Variants in SLC39A8 observed in about 807,000 individuals in gnomAD.
SLC39A8 encodes the protein solute carrier family 39 member 8.
A neutral mutation model predicts 40.4 loss-of-function variants in SLC39A8; 15 were observed. That is an observed-to-expected ratio of 0.37 (90% CI 0.25 to 0.57). The LOEUF is 0.57. Ranked by LOEUF, SLC39A8 falls within the 20% of genes least tolerant of loss-of-function variation. SLC39A8 has a pLI of 0.75. For synonymous variants in SLC39A8, 223 were observed against 221.6 expected, an observed-to-expected ratio of 1.01 and a Z score of -0.06; for missense variants, 472 against 558.8, an observed-to-expected ratio of 0.84 and a Z score of 1.57.
chr4:102,326,215 T>A (rs997904135), intron 2 of SLC39A8, among the ~76,000 whole-genome samples: 1 of 152,148 alleles, frequency 6.6e-6, no homozygotes, highest in Non-Finnish European at 1.5e-5. Context: ...GAGGATAAAG[T>A]GTGGAGGGCA....
At chr4:102,304,514 G>T in intron 5 of SLC39A8, 33 bp from the exon 6 acceptor site, 1 of 1,551,534 alleles carries the variant, frequency 6.4e-7, no homozygotes, top group Non-Finnish European at 8.8e-7. Flanking sequence ...GAGATTATAA[G>T]AAGAAAAAAG....
At chr4:102,285,649 ATG>A (rs1560537834) in intron 6 of SLC39A8, among the ~76,000 whole-genome samples, 1 of 112,666 alleles carries the variant, frequency 8.9e-6, no homozygotes, top group African/African-American at 3.1e-5. Flanking sequence ...GTGTGTGTGC[ATG>A]TGTGTATGTG....
downstream of SLC39A8, among the ~76,000 whole-genome samples, chr4:102,259,987 T>C (rs984600070): frequency 1.3e-5 from 2 of 152,194 alleles, no homozygotes; most frequent in African/African-American, 4.8e-5. Flanking sequence ...ATAGGATTTC[T>C]TCAAGGTAAA....
chr4:102,344,488 A>T lies in SLC39A8; in HGVS notation c.175T>A (p.Ser59Thr). 1 of 1,552,778 alleles carries T rather than the reference A, an allele frequency of 6.4e-7. No homozygotes were observed. ...CCAGGCTCCGGGACGCCCACGCGGG[A>T]GGCGGCTCCCATCTGCTCCAGCAAG... is the stretch of plus-strand genomic sequence containing the variant. Reference protein sequence around the residue: ...QHLLEQMGAASRVGVPEPGQL... With the variant: ...QHLLEQMGAATRVGVPEPGQL... Residue 59 changes from serine to threonine, a missense_variant, in exon 2 of 9, where the codon TCC becomes ACC. Transcript: ENST00000356736.
intron 2 of SLC39A8, among the ~76,000 whole-genome samples, chr4:102,316,166 A>C (rs1448078271): frequency 6.6e-6 from 1 of 152,098 alleles, no homozygotes; most frequent in Non-Finnish European, 1.5e-5. Context: ...ACAATTTTTT[A>C]TTGTCAGTAC....
At chr4:102,320,775 T>A (rs1383234642) in intron 2 of SLC39A8, among the ~76,000 whole-genome samples, 1 of 142,410 alleles carries the variant, frequency 7.0e-6, no homozygotes, top group Non-Finnish European at 1.5e-5. Context: ...TATGAGAATA[T>A]ATATATGAGA....
chr4:102,304,484 A>G lies in SLC39A8; in HGVS notation c.676-3T>C, dbSNP rs1277686549. 6.2e-7 allele frequency: 1 copy of G among 1,606,532 alleles called. No homozygotes were observed. The highest frequency in any genetic ancestry group is 8.5e-7 in the Non-Finnish European group (1 of 1,175,992). On this transcript the variant is annotated splice_polypyrimidine_tract_variant and splice_region_variant and intron_variant, in intron 5 of 8. Coordinates refer to ENST00000356736, the MANE Select transcript of SLC39A8 (RefSeq NM_001135146.2). Reference sequence around the variant, plus strand: ...TTTCCAAAGTGGGTATGACCATTCTATATGGGAACAAAAACCAAAGAGATT... The same window carrying G: ...TTTCCAAAGTGGGTATGACCATTCTGTATGGGAACAAAAACCAAAGAGATT...
chr4:102,278,306 C>T (rs747088372), intron 6 of SLC39A8, among the ~76,000 whole-genome samples: 4 of 152,126 alleles, frequency 2.6e-5, no homozygotes, highest in Non-Finnish European at 5.9e-5. Flanking sequence ...AAACAAACAG[C>T]CCCATCAAAA....
intron 3 of SLC39A8, among the ~76,000 whole-genome samples, chr4:102,315,268 T>G (rs1459470343): frequency 2.0e-5 from 3 of 152,140 alleles, no homozygotes; most frequent in Non-Finnish European, 1.5e-5. Flanking sequence ...GCTAGTTCTC[T>G]TATCTCTTCA....
intron 6 of SLC39A8, among the ~76,000 whole-genome samples, chr4:102,285,134 G>A (rs879563380): frequency 9.2e-5 from 14 of 152,068 alleles, no homozygotes; most frequent in Non-Finnish European, 1.0e-4. Context: ...TTAATGTTCT[G>A]ATACCTGATA....
chr4:102,336,503 G>A (rs913271423), intron 2 of SLC39A8, among the ~76,000 whole-genome samples: 1 of 151,304 alleles, frequency 6.6e-6, no homozygotes, highest in Admixed American at 6.6e-5. Flanking sequence ...AGACTTAGAG[G>A]CATTATCAAT....
At chr4:102,294,387 G>A (rs2149026853) in intron 6 of SLC39A8, among the ~76,000 whole-genome samples, 1 of 151,970 alleles carries the variant, frequency 6.6e-6, no homozygotes, top group South Asian at 2.1e-4. Flanking sequence ...CTTAATATCT[G>A]ATCAAATTCC....
At chr4:102,309,001 T>C (rs1181645721) in intron 3 of SLC39A8, among the ~76,000 whole-genome samples, 2 of 152,126 alleles carry the variant, frequency 1.3e-5, no homozygotes, top group Non-Finnish European at 2.9e-5. Flanking sequence ...TTTTTTAGCA[T>C]ATGCTTTATT....
chr4:102,312,891 T>G (rs2149038859), intron 3 of SLC39A8, among the ~76,000 whole-genome samples: 1 of 152,262 alleles, frequency 6.6e-6, no homozygotes, highest in South Asian at 2.1e-4. Flanking sequence ...TAAACTGGCT[T>G]CAGAGTCTGT....
intron 2 of SLC39A8, among the ~76,000 whole-genome samples, chr4:102,334,886 C>A (rs979356299): frequency 2.6e-5 from 4 of 152,194 alleles, no homozygotes; most frequent in Non-Finnish European, 4.4e-5. Flanking sequence ...AGAGTGTTTA[C>A]TCCATGGGAT....
At chr4:102,307,737 C>T in intron 3 of SLC39A8, 132 bp from the exon 4 acceptor site, 1 of 827,990 alleles carries the variant, frequency 1.2e-6, no homozygotes, top group Non-Finnish European at 1.9e-6. Context: ...ACAAAATCTA[C>T]TCAATGAAAA....
At chr4:102,299,673 T>C (rs1733832042) in intron 6 of SLC39A8, among the ~76,000 whole-genome samples, 1 of 152,088 alleles carries the variant, frequency 6.6e-6, no homozygotes, top group Admixed American at 6.6e-5. Context: ...TCTATTTTAT[T>C]GCACCTCAAC....
intron 6 of SLC39A8, among the ~76,000 whole-genome samples, chr4:102,304,065 A>T (rs1262976019): frequency 6.6e-6 from 1 of 151,926 alleles, no homozygotes; most frequent in Non-Finnish European, 1.5e-5. Flanking sequence ...ACTCTCATAT[A>T]GTAAATAATC....
chr4:102,304,947 TA>T (rs1734101708), intron 5 of SLC39A8, 41 bp downstream of exon 5: 2 of 1,545,640 alleles, frequency 1.3e-6, no homozygotes, highest in Admixed American at 3.7e-5. Context: ...AAAGTAGCTT[TA>T]GGGGGTAAAA....
Sources: gnomAD v4.1 joint callset for allele counts (sites outside exome capture counted in the v4.1 genomes callset) on GRCh38, gnomAD v4.1.1 for gene constraint, MANE v1.5 for transcripts, NCBI Gene and HGNC (gene_info 2026-07-23, HGNC 2026-07-21) for gene names.